Variants in ZDHHC21 observed in about 807,000 individuals in gnomAD.
ZDHHC21 encodes the protein zDHHC palmitoyltransferase 21.
In ZDHHC21, 15 loss-of-function variants were observed where a neutral mutation model predicts 34.6. That is an observed-to-expected ratio of 0.43 (90% confidence interval 0.29 to 0.67). The LOEUF (loss-of-function observed/expected upper bound fraction) is 0.67. Ranked by LOEUF, ZDHHC21 falls within the 30% of genes least tolerant of loss-of-function variation. The pLI is 0.14. For synonymous variants in ZDHHC21, 142 were observed against 101.8 expected, an observed-to-expected ratio of 1.40 and a Z score of -2.38; for missense variants, 344 against 327.7, an observed-to-expected ratio of 1.05 and a Z score of -0.38.
the ZDHHC21 span, among the ~76,000 whole-genome samples, chr9:14,605,409 C>T: frequency 6.6e-6 from 1 of 152,190 alleles, no homozygotes; most frequent in African/African-American, 2.4e-5. Context: ...GATAATACCT[C>T]GTTGTAATTT....
chr9:14,679,371 T>C (rs1836972729), intron 3 of ZDHHC21, among the ~76,000 whole-genome samples: 1 of 152,296 alleles, frequency 6.6e-6, no homozygotes, highest in African/African-American at 2.4e-5. Flanking sequence ...TTCCAATGCT[T>C]CTGTTTGAAA....
intron 6 of ZDHHC21, among the ~76,000 whole-genome samples, chr9:14,659,508 A>T (rs1832964353): frequency 6.6e-6 from 1 of 152,174 alleles, no homozygotes; most frequent in South Asian, 2.1e-4. Context: ...ACAATAAAAA[A>T]TTTTCAAGGC....
rs143983177 is a variant in ZDHHC21 at position 14,662,269 on chromosome 9, T to C, written c.311A>G (p.His104Arg). ...KCNLMRPKRS[H>R]HCSRCGHCVR... ...ACAGTGGCCGCAGCGGCTACAGTGA[T>C]GGGAACGCTTTGGTCTCATCAAATT... is the stretch of plus-strand genomic sequence containing the variant. Residue 104 changes from histidine to arginine, a missense_variant, in exon 6 of 10, where the codon CAT (histidine) becomes CGT (arginine). Transcript: ENST00000380916. The C allele has an allele frequency of 6.2e-7, 1 of 1,613,058 alleles. No homozygotes were observed. Among genetic ancestry groups the C allele is most frequent in the Non-Finnish European group, 8.5e-7 (1 of 1,179,632 alleles).
chr9:14,631,914 T>C (rs975326705), intron 8 of ZDHHC21, among the ~76,000 whole-genome samples: 1 of 152,066 alleles, frequency 6.6e-6, no homozygotes, highest in Non-Finnish European at 1.5e-5. Context: ...GTAACAGATA[T>C]AATAATCATG....
rs1470076436 is a variant in ZDHHC21, at chr9:14,667,389, A to T, written c.254-5063T>A. Among the ~76,000 whole-genome samples the T allele has an allele frequency of 6.6e-5, 10 of 152,078 alleles. No individual in the cohort carries two copies. The East Asian group carries it at 1.5e-3, about 24-fold the overall frequency. ...TACCAACCAAAAAGAGTCCAGGACCAGATGGATTCACAGCCAAATTCTACC... is the reference window on the plus strand; with the variant it reads ...TACCAACCAAAAAGAGTCCAGGACCTGATGGATTCACAGCCAAATTCTACC... On this transcript the variant is annotated intron_variant, in intron 5 of 9. Coordinates refer to ENST00000380916, the MANE Select transcript of ZDHHC21 (RefSeq NM_178566.6).
intron 5 of ZDHHC21, among the ~76,000 whole-genome samples, chr9:14,671,647 A>G (rs1835464663): frequency 6.6e-6 from 1 of 152,048 alleles, no homozygotes; most frequent in African/African-American, 2.4e-5. Flanking sequence ...GCTATGTCAA[A>G]AAACATGGCT....
At chr9:14,679,421 AG>A (rs960531032) in intron 3 of ZDHHC21, among the ~76,000 whole-genome samples, 4 of 152,276 alleles carry the variant, frequency 2.6e-5, no homozygotes, top group African/African-American at 9.6e-5. Context: ...CTTATAGAAT[AG>A]TTTATATAAC....
the ZDHHC21 span, among the ~76,000 whole-genome samples, chr9:14,604,603 A>T: frequency 6.6e-6 from 1 of 152,218 alleles, no homozygotes; most frequent in Non-Finnish European, 1.5e-5. Context: ...AACTGAAAAA[A>T]GCAAAACATT....
At chr9:14,692,939 G>A (rs537186569) in intron 1 of ZDHHC21, among the ~76,000 whole-genome samples, 1 of 152,012 alleles carries the variant, frequency 6.6e-6, no homozygotes, top group African/African-American at 2.4e-5. Flanking sequence ...GTCTCGACTA[G>A]AGCAGGAACC....
intron 7 of ZDHHC21, among the ~76,000 whole-genome samples, chr9:14,658,356 T>C (rs1832671141): frequency 7.0e-6 from 1 of 143,030 alleles, no homozygotes; most frequent in South Asian, 2.1e-4. Flanking sequence ...TTTTGTTGTT[T>C]TGTTTCCAAT....
downstream of ZDHHC21, among the ~76,000 whole-genome samples, chr9:14,608,639 T>G (rs562899992): frequency 5.3e-5 from 8 of 152,262 alleles, no homozygotes; most frequent in Middle Eastern, 3.4e-3. Context: ...TACAAATATT[T>G]TTTTAAGTTA....
chr9:14,601,372 G>T, the ZDHHC21 span, among the ~76,000 whole-genome samples: 2 of 152,148 alleles, frequency 1.3e-5, no homozygotes, highest in African/African-American at 4.8e-5. Flanking sequence ...AAGACATTTT[G>T]CAGCCAACAG....
the ZDHHC21 span, among the ~76,000 whole-genome samples, chr9:14,602,002 G>C: frequency 2.6e-5 from 4 of 151,928 alleles, no homozygotes; most frequent in Non-Finnish European, 4.4e-5. Context: ...GTCAGGAGGT[G>C]GGGGAGCTAG....
chr9:14,599,732 T>C, the ZDHHC21 span, among the ~76,000 whole-genome samples: 7,232 of 152,088 alleles, frequency 0.048, 555 homozygotes, highest in African/African-American at 0.16. Flanking sequence ...AGCACAGCAG[T>C]CTGAAGTCAA....
chr9:14,659,691 G>A (rs1276533785), intron 6 of ZDHHC21, among the ~76,000 whole-genome samples: 3 of 152,070 alleles, frequency 2.0e-5, no homozygotes, highest in East Asian at 1.9e-4. Flanking sequence ...AACAGGTTTC[G>A]GTCCTAACTT....
At chr9:14,596,847 C>T in the ZDHHC21 span, among the ~76,000 whole-genome samples, 1 of 152,260 alleles carries the variant, frequency 6.6e-6, no homozygotes, top group African/African-American at 2.4e-5. Flanking sequence ...GAAGATCACA[C>T]ATTGAATACA....
At chr9:14,640,140 T>C in intron 7 of ZDHHC21, 128 bp from the exon 8 acceptor site, 2 of 519,442 alleles carry the variant, frequency 3.9e-6, no homozygotes, top group Non-Finnish European at 6.9e-6. Flanking sequence ...CTCTCCCTCT[T>C]TTATACTTCT....
At chr9:14,660,575 G>T (rs371659969) in intron 6 of ZDHHC21, among the ~76,000 whole-genome samples, 1 of 151,938 alleles carries the variant, frequency 6.6e-6, no homozygotes, top group Non-Finnish European at 1.5e-5. Context: ...GCTCTATCAG[G>T]AAATTCAATG....
chr9:14,643,335 G>A (rs1389109407), intron 7 of ZDHHC21, among the ~76,000 whole-genome samples: 2 of 152,108 alleles, frequency 1.3e-5, no homozygotes, highest in Non-Finnish European at 2.9e-5. Flanking sequence ...AGAGCCTCCT[G>A]TGTATTCCTT....
Sources: allele counts gnomAD v4.1 joint callset (sites outside exome capture counted in the v4.1 genomes callset), GRCh38; gene constraint gnomAD v4.1.1; transcripts MANE v1.5; gene names NCBI Gene and HGNC (gene_info 2026-07-23, HGNC 2026-07-21).